LMO4: variants seen among roughly 807,000 people sequenced by gnomAD.
The protein encoded by LMO4 is LIM domain transcription factor LMO4.
LMO4 carries 3 observed loss-of-function variants against 18.5 expected under a neutral mutation model. The observed-to-expected ratio is 0.16, with a 90% CI of 0.07 to 0.42. The LOEUF is 0.42. Ranked by LOEUF, LMO4 falls within the 10% of genes least tolerant of loss-of-function variation. The pLI is 0.99. For synonymous variants in LMO4, 100 were observed against 88.1 expected, an observed-to-expected ratio of 1.14 and a Z score of -0.76; for missense variants, 121 against 219.9, an observed-to-expected ratio of 0.55 and a Z score of 2.84.
Position 87,330,642 on chromosome 1 carries a change from T to G in LMO4, c.-3-1371T>G, listed in dbSNP as rs560361263. Among the ~76,000 whole-genome samples, 8 of 152,294 alleles carry G rather than the reference T, an allele frequency of 5.3e-5. No individual in the cohort carries two copies. In the South Asian group the frequency reaches 1.4e-3, roughly 28 times the overall value. On this transcript the variant is annotated intron_variant, in intron 1 of 4. Coordinates refer to ENST00000370544, the MANE Select transcript of LMO4 (RefSeq NM_006769.4). ...GTCCTTGTTTCGTTCCTTCCTCGTT[T>G]TTTTTGCAGCAGCCAAGTTGGGCCG...
Position 87,332,108 on chromosome 1 carries a change from G to T in LMO4, c.93G>T (p.Ala31=). 6.2e-7 allele frequency: 1 copy of T among 1,614,104 alleles called. No individual in the cohort carries two copies. Among genetic ancestry groups the T allele is most frequent in the East Asian group, 2.2e-5 (1 of 44,878 alleles). Residue 31 remains alanine, a synonymous_variant, in exon 2 of 5, where the codon GCG becomes GCT. Coordinates refer to ENST00000370544, the MANE Select transcript of LMO4 (RefSeq NM_006769.4). ...KRCAGCGGKI[A]DRFLLYAMDS... Reference sequence around the variant, plus strand: ...GCGCAGGCTGCGGGGGCAAGATTGCGGACCGCTTTCTGCTCTATGCCATGG... The same window carrying T: ...GCGCAGGCTGCGGGGGCAAGATTGCTGACCGCTTTCTGCTCTATGCCATGG...
chr1:87,344,694 A>T (rs1650581453), intron 4 of LMO4, 94 bp from the exon 5 acceptor site: 8 of 1,203,642 alleles, frequency 6.6e-6, no homozygotes, highest in Non-Finnish European at 9.9e-6. Flanking sequence ...AAAGAAGATT[A>T]GTGAATGTGG....
chr1:87,339,992 C>CA (rs1308447383), intron 3 of LMO4, 55 bp from the exon 4 acceptor site: 8 of 1,579,152 alleles, frequency 5.1e-6, no homozygotes, highest in Admixed American at 3.5e-5. Flanking sequence ...AACTTGTGAC[C>CA]AAAAAAAGAC....
At chr1:87,334,268 C>G (rs112451068) in intron 2 of LMO4, among the ~76,000 whole-genome samples, 2,410 of 152,310 alleles carry the variant, frequency 0.016, 28 homozygotes, top group Middle Eastern at 0.031. Context: ...GACCTTAGAT[C>G]TTTCTAGGAG....
At chr1:87,340,224 A>G in intron 4 of LMO4, 22 bp downstream of exon 4, 1 of 1,612,400 alleles carries the variant, frequency 6.2e-7, no homozygotes, top group Admixed American at 1.7e-5. Context: ...GCAATTACTA[A>G]TAAGCTTTAT....
intron 2 of LMO4, among the ~76,000 whole-genome samples, chr1:87,338,217 G>C (rs1253588840): frequency 6.6e-6 from 1 of 152,144 alleles, no homozygotes; most frequent in Non-Finnish European, 1.5e-5. Context: ...AAAACTCAAA[G>C]CAATTATTTT....
chr1:87,338,953 GA>G lies in LMO4; in HGVS notation c.237-582del, dbSNP rs1650395359. On this transcript the variant is annotated intron_variant, in intron 2 of 4. Coordinates refer to ENST00000370544, the MANE Select transcript of LMO4 (RefSeq NM_006769.4). ...AAGGTTAGGATGAAAGAGATGAGCAGAGGCAAATCTTAAGTGTTGACACCAT... is the reference window on the plus strand; with the variant it reads ...AAGGTTAGGATGAAAGAGATGAGCAGGGCAAATCTTAAGTGTTGACACCAT... 2.0e-5 allele frequency among the ~76,000 whole-genome samples: 3 copies of G among 152,206 alleles called. No homozygotes were observed. The South Asian group carries it at 6.2e-4, about 32-fold the overall frequency.
rs1161166193 is a variant in LMO4 at position 87,328,905 on chromosome 1, C to CCGCTG, written c.-339_-335dup. 6.6e-6 allele frequency: 1 copy of CCGCTG among 152,466 alleles called. No homozygotes were observed. The highest frequency in any genetic ancestry group is 2.4e-5 in the African/African-American group (1 of 41,402). The allele number at this position is 152,466 out of a possible 1,614,324, so 9.4% of individuals were successfully genotyped here. On this transcript the variant is annotated 5_prime_UTR_variant, in exon 1 of 5. Transcript: ENST00000370544. ...GCAGCAGCGATTGCAGCAGTTGCTG[C>CCGCTG]CGCTGCGCCGCGCCTGAAGCCGCGC...
In LMO4 at chr1:87,344,949, G is replaced by A. The variant is rs971395432; in HGVS notation, c.*153G>A. 7 of 655,434 alleles carry A rather than the reference G, an allele frequency of 1.1e-5. No homozygotes were observed. The highest frequency in any genetic ancestry group is 1.8e-5 in the South Asian group (1 of 54,352). The allele number at this position is 655,434 out of a possible 1,614,324, so 40.6% of individuals were successfully genotyped here. A position where few individuals can be genotyped will look rare whatever the true frequency, so the allele number is the denominator to read the frequency against. Reference sequence around the variant, plus strand: ...TTCTTTAGTCTTGATTGCCCTTCCCGCATTTATTGGTGTATTAAAATGACT... The same window carrying A: ...TTCTTTAGTCTTGATTGCCCTTCCCACATTTATTGGTGTATTAAAATGACT... On this transcript the variant is annotated 3_prime_UTR_variant, in exon 5 of 5. Transcript: ENST00000370544.
At chr1:87,338,693 C>G (rs549991177) in intron 2 of LMO4, among the ~76,000 whole-genome samples, 1 of 152,184 alleles carries the variant, frequency 6.6e-6, no homozygotes, top group Non-Finnish European at 1.5e-5. Context: ...TTCTCCCCCT[C>G]CTCCCCCCAT....
chr1:87,329,757 G>A (rs1650077046), intron 1 of LMO4, among the ~76,000 whole-genome samples: 1 of 152,162 alleles, frequency 6.6e-6, no homozygotes, highest in Non-Finnish European at 1.5e-5. Context: ...CAATCCAGGA[G>A]AAATACGGTG....
At chr1:87,330,375 G>A (rs148737473) in intron 1 of LMO4, among the ~76,000 whole-genome samples, 6 of 152,248 alleles carry the variant, frequency 3.9e-5, no homozygotes, top group African/African-American at 1.4e-4. Flanking sequence ...GGCTGAAATT[G>A]TAACAAAAAG....
chr1:87,333,677 G>A (rs1650214523), intron 2 of LMO4, among the ~76,000 whole-genome samples: 1 of 152,196 alleles, frequency 6.6e-6, no homozygotes, highest in South Asian at 2.1e-4. Flanking sequence ...AATACAGGAA[G>A]GGAGAGGGCT....
chr1:87,348,827 C>T lies in LMO4; in HGVS notation c.*4031C>T. ...TGGACGGCAACTCGGAGGCCTCAAGCCAATAATGTACTACAGGCCCTGACA... is the reference window on the plus strand; with the variant it reads ...TGGACGGCAACTCGGAGGCCTCAAGTCAATAATGTACTACAGGCCCTGACA... On this transcript the variant is annotated 3_prime_UTR_variant, in exon 5 of 5. Coordinates refer to ENST00000370544, the MANE Select transcript of LMO4 (RefSeq NM_006769.4). 2.1e-6 allele frequency: 1 copy of T among 482,680 alleles called. No individual in the cohort carries two copies. The highest frequency in any genetic ancestry group is 1.5e-5 in the South Asian group (1 of 66,930). 29.9% of individuals were successfully genotyped at this position (482,680 alleles called of 1,614,324 possible). A position where few individuals can be genotyped will look rare whatever the true frequency, so the allele number is the denominator to read the frequency against.
intron 2 of LMO4, among the ~76,000 whole-genome samples, chr1:87,333,150 C>T (rs1176351352): frequency 1.3e-5 from 2 of 152,092 alleles, no homozygotes; most frequent in Admixed American, 1.3e-4. Flanking sequence ...AGGTCAGGTG[C>T]CTATAGGATC....
At chr1:87,332,308 G>A in intron 2 of LMO4, 57 bp downstream of exon 2, 2 of 1,356,232 alleles carry the variant, frequency 1.5e-6, no homozygotes, top group Non-Finnish European at 2.1e-6. Context: ...AAGGCCAAAG[G>A]TTAACAGGGT....
chr1:87,332,923 A>G (rs927460469), intron 2 of LMO4, among the ~76,000 whole-genome samples: 3 of 152,166 alleles, frequency 2.0e-5, no homozygotes, highest in Non-Finnish European at 4.4e-5. Flanking sequence ...GTGGTTTGCG[A>G]TGTAGAATTT....
Position 87,335,871 on chromosome 1 carries a change from G to GAAAAA in LMO4, c.236+3630_236+3634dup, listed in dbSNP as rs781402794. Among the ~76,000 whole-genome samples the GAAAAA allele has an allele frequency of 3.6e-3, 469 of 129,880 alleles. 2 individuals carry two copies. Among genetic ancestry groups the GAAAAA allele is most frequent in the African/African-American group, 0.011 (409 of 35,814 alleles). The allele number at this position is 129,880 out of a possible 152,430, so 85.2% of individuals were successfully genotyped here. ...ACAGGAGCATGTGAACTATTAGCTA[G>GAAAAA]AAAAAAAAAAAAAACAGGATCTCAA... On this transcript the variant is annotated intron_variant, in intron 2 of 4. Transcript: ENST00000370544.
At position 87,347,361 on chromosome 1, in the gene LMO4, A is replaced by T. The variant is rs1650663326; in HGVS notation, c.*2565A>T. 1.3e-5 allele frequency: 2 copies of T among 152,134 alleles called. No individual in the cohort carries two copies. The highest frequency in any genetic ancestry group is 2.4e-5 in the African/African-American group (1 of 41,416). The allele number at this position is 152,134 out of a possible 1,614,324, so 9.4% of individuals were successfully genotyped here. On this transcript the variant is annotated 3_prime_UTR_variant, in exon 5 of 5. Transcript: ENST00000370544. ...ACAATAAAACCCGGCTCTAATGGGG[A>T]TGCTCTGTGTGGATAGAAAGCTACT...
Sources: allele counts gnomAD v4.1 joint callset (sites outside exome capture counted in the v4.1 genomes callset), GRCh38; gene constraint gnomAD v4.1.1; transcripts MANE v1.5; gene names NCBI Gene and HGNC (gene_info 2026-07-23, HGNC 2026-07-21).